The following CCDC15 variants were observed in gnomAD, a reference collection of about 807,000 sequenced individuals.
CCDC15 encodes the protein coiled-coil domain-containing protein 15.
CCDC15 carries 105 observed loss-of-function variants against 114.5 expected under a neutral mutation model. The observed-to-expected ratio is 0.92, with a 90% confidence interval of 0.78 to 1.08. The LOEUF (loss-of-function observed/expected upper bound fraction) is 1.08. Among genes scored for constraint, CCDC15 ranks in the 50% least tolerant of loss-of-function variants. CCDC15 has a pLI of 0.00. For synonymous variants in CCDC15, 334 were observed against 377.8 expected, an observed-to-expected ratio of 0.88 and a Z score of 1.34; for missense variants, 1,105 against 1,093.6, an observed-to-expected ratio of 1.01 and a Z score of -0.15.
At chr11:125,012,217 G>A (rs577364923) in intron 13 of CCDC15, among the ~76,000 whole-genome samples, 1 of 152,262 alleles carries the variant, frequency 6.6e-6, no homozygotes, top group East Asian at 1.9e-4. Flanking sequence ...TAGGCTTCAG[G>A]TGCCTTCGCC....
At chr11:125,033,055 G>A (rs1166758327) in intron 13 of CCDC15, among the ~76,000 whole-genome samples, 1 of 152,150 alleles carries the variant, frequency 6.6e-6, no homozygotes, top group Non-Finnish European at 1.5e-5. Flanking sequence ...TAGTATAGTG[G>A]GGTCCTTCCT....
chr11:124,964,595 A>G (rs1050196499), intron 4 of CCDC15, among the ~76,000 whole-genome samples: 9 of 152,192 alleles, frequency 5.9e-5, no homozygotes, highest in Non-Finnish European at 1.3e-4. Flanking sequence ...AACAGGGACA[A>G]TTTGACTTCC....
chr11:125,009,989 G>A (rs1948578765), intron 13 of CCDC15, among the ~76,000 whole-genome samples: 1 of 152,196 alleles, frequency 6.6e-6, no homozygotes, highest in South Asian at 2.1e-4. Context: ...CTTTTTGGTA[G>A]AAGGATTCGT....
chr11:124,959,294 T>C lies in CCDC15; in HGVS notation c.327+30T>C, dbSNP rs745597402. On this transcript the variant is annotated intron_variant, in intron 3 of 15. Transcript: ENST00000344762. ...GTTCAAAAGTGAGCCTGAGTAAAGA[T>C]TGAATGGAAAATATGTGTGTTATGA... The C allele has an allele frequency of 5.9e-6, 9 of 1,534,010 alleles. No homozygotes were observed. The South Asian group carries it at 7.8e-5, about 13-fold the overall frequency.
At chr11:125,015,967 A>T (rs998966058) in intron 13 of CCDC15, among the ~76,000 whole-genome samples, 1 of 152,206 alleles carries the variant, frequency 6.6e-6, no homozygotes, top group African/African-American at 2.4e-5. Flanking sequence ...ACCAAATGGA[A>T]ACAAAGCTTT....
intron 15 of CCDC15, 144 bp downstream of exon 15, chr11:125,039,213 C>A: frequency 1.6e-6 from 1 of 634,128 alleles, no homozygotes; most frequent in Non-Finnish European, 2.4e-6. Flanking sequence ...CTATATGAGG[C>A]AGTGAAAAAA....
intron 13 of CCDC15, among the ~76,000 whole-genome samples, chr11:125,008,200 T>A (rs561165148): frequency 6.6e-6 from 1 of 152,348 alleles, no homozygotes; most frequent in African/African-American, 2.4e-5. Flanking sequence ...CTTTGATTTC[T>A]TTCTTCAGTG....
At chr11:125,030,706 TGGCTGTAGCCA>T (rs1948732578) in intron 13 of CCDC15, among the ~76,000 whole-genome samples, 1 of 152,176 alleles carries the variant, frequency 6.6e-6, no homozygotes, top group Admixed American at 6.5e-5. Context: ...CACTCAGCAG[TGGCTGTAGCCA>T]GGTCAGCCTT....
chr11:124,988,856 G>T (rs1388908203), intron 8 of CCDC15, among the ~76,000 whole-genome samples: 1 of 152,054 alleles, frequency 6.6e-6, no homozygotes, highest in Non-Finnish European at 1.5e-5. Flanking sequence ...ACATCTTCAG[G>T]CTCCACTTCT....
At chr11:124,973,920 C>G (rs536653999) in intron 4 of CCDC15, among the ~76,000 whole-genome samples, 1 of 152,170 alleles carries the variant, frequency 6.6e-6, no homozygotes, top group Non-Finnish European at 1.5e-5. Flanking sequence ...CTGACTAGTA[C>G]AGGATATACT....
At chr11:125,016,738 GC>G (rs2135533528) in intron 13 of CCDC15, among the ~76,000 whole-genome samples, 1 of 152,302 alleles carries the variant, frequency 6.6e-6, no homozygotes, top group East Asian at 1.9e-4. Context: ...ACATACCCCT[GC>G]TGTGGGTGTT....
rs574064523 is a variant in CCDC15, at chr11:124,981,063, G to A, written c.753+3463G>A. 5.9e-5 allele frequency among the ~76,000 whole-genome samples: 9 copies of A among 152,304 alleles called. No homozygotes were observed. The East Asian group carries it at 1.7e-3, about 29-fold the overall frequency. On this transcript the variant is annotated intron_variant, in intron 6 of 15. Coordinates refer to ENST00000344762, the MANE Select transcript of CCDC15 (RefSeq NM_025004.3). ...CAGGTTGTTTAATTTCCATGTAAAT[G>A]TATGGTTTTGAGTGATTTTCTTAGC...
chr11:124,993,169 A>G lies in CCDC15; in HGVS notation c.2140A>G (p.Asn714Asp), dbSNP rs1246124713. ...GTTTTGTATTTTGTTGTTCCTTTAG[A>G]ACAAGCATATCAAACTACCCTCATC... ...IQDQDSPREQ[N>D]KHIKLPSSFE... The change falls in exon 11 of 16, where the codon AAC becomes GAC. Residue 714 changes from asparagine (N) to aspartate (D), a missense_variant and splice_region_variant. Transcript: ENST00000344762. The G allele has an allele frequency of 6.3e-7, 1 of 1,594,034 alleles. No homozygotes were observed. Among genetic ancestry groups the G allele is most frequent in the Non-Finnish European group, 8.6e-7 (1 of 1,164,740 alleles).
At position 125,005,094 on chromosome 11, in the gene CCDC15, A is replaced by T; in HGVS notation, c.2308-15A>T. 1 of 1,225,878 alleles carries T rather than the reference A, an allele frequency of 8.2e-7. No individual in the cohort carries two copies. Among genetic ancestry groups the T allele is most frequent in the Non-Finnish European group, 1.1e-6 (1 of 879,772 alleles). The allele number at this position is 1,225,878 out of a possible 1,614,324, so 75.9% of individuals were successfully genotyped here. ...TGAAAGCAGAATCTTAGTAATTTTAACTTCTTACCTTTAGCGTCAAAAGCA... is the reference window on the plus strand; with the variant it reads ...TGAAAGCAGAATCTTAGTAATTTTATCTTCTTACCTTTAGCGTCAAAAGCA... On this transcript the variant is annotated splice_polypyrimidine_tract_variant and intron_variant, in intron 12 of 15. Coordinates refer to ENST00000344762, the MANE Select transcript of CCDC15 (RefSeq NM_025004.3).
intron 13 of CCDC15, among the ~76,000 whole-genome samples, chr11:125,015,419 A>C (rs1403003740): frequency 6.6e-6 from 1 of 152,180 alleles, no homozygotes; most frequent in Non-Finnish European, 1.5e-5. Flanking sequence ...TACAGAGCCT[A>C]CAGACATTAA....
At chr11:124,960,066 A>C in intron 4 of CCDC15, 63 bp downstream of exon 4, 3 of 1,297,318 alleles carry the variant, frequency 2.3e-6, no homozygotes, top group Non-Finnish European at 3.1e-6. Flanking sequence ...AACTATAAAT[A>C]TGACATCTAG....
chr11:124,989,465 A>C (rs1948233095), intron 8 of CCDC15, among the ~76,000 whole-genome samples: 1 of 152,234 alleles, frequency 6.6e-6, no homozygotes, highest in Non-Finnish European at 1.5e-5. Context: ...GCTTCAACTT[A>C]AAGTCACCAG....
chr11:124,983,326 G>A (rs575343439), intron 6 of CCDC15, among the ~76,000 whole-genome samples: 5 of 152,234 alleles, frequency 3.3e-5, no homozygotes, highest in Admixed American at 2.6e-4. Context: ...TATTGTTGGG[G>A]AACTAGTGCA....
chr11:125,016,236 A>G (rs549316471), intron 13 of CCDC15, among the ~76,000 whole-genome samples: 13 of 152,260 alleles, frequency 8.5e-5, no homozygotes, highest in African/African-American at 3.1e-4. Flanking sequence ...GTGGCATCCC[A>G]CTAGTGAAAA....
Sources: gnomAD v4.1 joint callset for allele counts (sites outside exome capture counted in the v4.1 genomes callset) on GRCh38, gnomAD v4.1.1 for gene constraint, MANE v1.5 for transcripts, NCBI Gene and HGNC (gene_info 2026-07-23, HGNC 2026-07-21) for gene names.